The following USP14 variants were observed in gnomAD, a reference collection of about 807,000 sequenced individuals.
USP14 encodes the protein ubiquitin carboxyl-terminal hydrolase 14.
Under a neutral mutation model 76.5 loss-of-function variants are expected in USP14, and 38 were observed. That is an observed-to-expected ratio of 0.50 (90% CI 0.38 to 0.65). The LOEUF (loss-of-function observed/expected upper bound fraction) is 0.65. USP14 is among the 30% of genes least tolerant of loss of function. USP14 has a pLI of 0.00. For missense variants in USP14, 467 were observed against 586.5 expected, an observed-to-expected ratio of 0.80 and a Z score of 2.10; for synonymous variants, 192 against 191.7, an observed-to-expected ratio of 1.00 and a Z score of -0.01.
At chr18:189,947 T>C (rs1910041251) in intron 5 of USP14, among the ~76,000 whole-genome samples, 1 of 152,222 alleles carries the variant, frequency 6.6e-6, no homozygotes, top group Admixed American at 6.5e-5. Context: ...ACACCGTTTA[T>C]GTTTCCCAAA....
At chr18:170,762 A>G (rs535365487) in intron 3 of USP14, among the ~76,000 whole-genome samples, 3 of 152,158 alleles carry the variant, frequency 2.0e-5, no homozygotes, top group African/African-American at 7.2e-5. Context: ...CAGGAACAGA[A>G]AACCGAACAC....
intron 3 of USP14, among the ~76,000 whole-genome samples, chr18:169,318 A>C (rs953582017): frequency 6.9e-6 from 1 of 144,426 alleles, no homozygotes; most frequent in Non-Finnish European, 1.5e-5. Context: ...CTGAGATCAC[A>C]CCACTGCACT....
chr18:161,680 G>A (rs1909123285), intron 1 of USP14, among the ~76,000 whole-genome samples: 1 of 152,186 alleles, frequency 6.6e-6, no homozygotes, highest in Non-Finnish European at 1.5e-5. Flanking sequence ...ATAGAGTTGG[G>A]ATTTGGTGTC....
intron 5 of USP14, among the ~76,000 whole-genome samples, chr18:189,438 C>G (rs915338109): frequency 6.6e-6 from 1 of 151,952 alleles, no homozygotes; most frequent in Non-Finnish European, 1.5e-5. Flanking sequence ...ACAAAAGCCA[C>G]TAGAAAGTCT....
At chr18:160,915 C>A (rs1208838285) in intron 1 of USP14, among the ~76,000 whole-genome samples, 1 of 151,878 alleles carries the variant, frequency 6.6e-6, no homozygotes, top group African/African-American at 2.4e-5. Flanking sequence ...AAAGCCTTTA[C>A]GTATTTTATT....
rs571727968 is a variant in USP14 at position 204,659 on chromosome 18, A to G, written c.1131A>G (p.Leu377=). The G allele has an allele frequency of 1.5e-5, 25 of 1,613,430 alleles. 1 individual carries two copies. Among genetic ancestry groups the G allele is most frequent in the African/African-American group, 1.2e-4 (9 of 74,996 alleles). The change falls in exon 13 of 16, where the codon CTA becomes CTG. Residue 377 remains leucine, a synonymous_variant. Transcript: ENST00000261601. ...MVSFRSKFKD[L]EDKKVNQQPN... ...CTTTTCGATCCAAATTCAAGGATCT[A>G]GAAGATAAAAAAGTGAATCAGCAGC...
At chr18:171,410 A>G in intron 3 of USP14, among the ~76,000 whole-genome samples, 1 of 152,252 alleles carries the variant, frequency 6.6e-6, no homozygotes, top group East Asian at 1.9e-4. Flanking sequence ...ATCTCTTAAG[A>G]ATGATGCTAA....
intron 5 of USP14, among the ~76,000 whole-genome samples, chr18:187,403 C>T (rs543723360): frequency 5.9e-5 from 9 of 152,290 alleles, no homozygotes; most frequent in African/African-American, 1.9e-4. Context: ...CCATATTTTA[C>T]ATATCTTTGA....
intron 4 of USP14, among the ~76,000 whole-genome samples, chr18:179,521 AT>A (rs796745137): frequency 2.2e-4 from 32 of 145,052 alleles, no homozygotes; most frequent in African/African-American, 5.1e-4. Flanking sequence ...ACACGTGTCA[AT>A]TTTTTTTTTA....
At position 197,681 on chromosome 18, in the gene USP14, T is replaced by G. The variant is rs777479881; in HGVS notation, c.660T>G (p.Asp220Glu). The change falls in exon 8 of 16, where the codon GAT becomes GAG. Residue 220 changes from aspartate (D) to glutamate (E), a missense_variant. Transcript: ENST00000261601. ...VLQQKLEAIE[D>E]DSVKETDSSS... ...AACAGAAATTGGAAGCAATAGAGGA[T>G]GATTCTGTTAAAGAGGTAATTGAAA... The G allele has an allele frequency of 6.2e-7, 1 of 1,611,714 alleles. No homozygotes were observed. The highest frequency in any genetic ancestry group is 1.1e-5 in the South Asian group (1 of 90,904).
At chr18:183,424 C>T (rs1054980856) in intron 5 of USP14, among the ~76,000 whole-genome samples, 6 of 151,616 alleles carry the variant, frequency 4.0e-5, no homozygotes, top group Admixed American at 2.0e-4. Context: ...GGACTCTTGT[C>T]GCAAACTCTA....
intron 6 of USP14, among the ~76,000 whole-genome samples, chr18:194,525 T>C (rs541106305): frequency 2.6e-5 from 4 of 152,336 alleles, no homozygotes; most frequent in Admixed American, 6.5e-5. Context: ...TTTTCCGTTA[T>C]GCATGTAATT....
At chr18:202,659 A>T (rs1463912585) in intron 10 of USP14, among the ~76,000 whole-genome samples, 1 of 152,206 alleles carries the variant, frequency 6.6e-6, no homozygotes. Flanking sequence ...GGAGGAATCC[A>T]CAACAACGTA....
Position 169,360 on chromosome 18 carries a change from CAAAAAAAAAAAA to C in USP14, c.195+2552_195+2563del, listed in dbSNP as rs11336218. ...TGGGCAACAGAGCAAGACTCTACCT[CAAAAAAAAAAAA>C]AAAAAAAAAAGAGTGGACATCTTGT... On this transcript the variant is annotated intron_variant, in intron 3 of 15. Coordinates refer to ENST00000261601, the MANE Select transcript of USP14 (RefSeq NM_005151.4). Among the ~76,000 whole-genome samples, 291 of 79,356 alleles carry C rather than the reference CAAAAAAAAAAAA, an allele frequency of 3.7e-3. 6 individuals carry two copies. Among genetic ancestry groups the C allele is most frequent in the African/African-American group, 0.013 (273 of 20,730 alleles). The allele number at this position is 79,356 out of a possible 152,430, so 52.1% of individuals were successfully genotyped here.
intron 3 of USP14, among the ~76,000 whole-genome samples, chr18:169,178 G>A (rs1035320468): frequency 2.0e-5 from 3 of 151,262 alleles, no homozygotes; most frequent in African/African-American, 7.3e-5. Context: ...ATCACTTAAG[G>A]TCAGGAGTTC....
chr18:177,972 C>T (rs958340377), intron 3 of USP14, among the ~76,000 whole-genome samples: 7 of 152,070 alleles, frequency 4.6e-5, no homozygotes, highest in Admixed American at 1.3e-4. Flanking sequence ...ACTACAGTTA[C>T]ACAATAGACA....
chr18:196,907 G>T (rs745412753), intron 7 of USP14, 140 bp downstream of exon 7: 6 of 1,068,596 alleles, frequency 5.6e-6, no homozygotes, highest in African/African-American at 1.8e-5. Context: ...GCCTGGAGCC[G>T]CACAGTAGTC....
In USP14 at chr18:158,628, T is replaced by A; in HGVS notation, c.-71T>A. On this transcript the variant is annotated 5_prime_UTR_variant, in exon 1 of 16. Coordinates refer to ENST00000261601, the MANE Select transcript of USP14 (RefSeq NM_005151.4). ...CCTCGGCCGCCGCCGCAGCTGCTCCTGGTCCCCGTCCCTTTGCCGCCCTCG... is the reference window on the plus strand; with the variant it reads ...CCTCGGCCGCCGCCGCAGCTGCTCCAGGTCCCCGTCCCTTTGCCGCCCTCG... 6.7e-7 allele frequency: 1 copy of A among 1,487,238 alleles called. No individual in the cohort carries two copies. Among genetic ancestry groups the A allele is most frequent in the Non-Finnish European group, 9.0e-7 (1 of 1,116,106 alleles). 92.1% of individuals were successfully genotyped at this position (1,487,238 alleles called of 1,614,324 possible). A position where few individuals can be genotyped will look rare whatever the true frequency, so the allele number is the denominator to read the frequency against.
Position 197,636 on chromosome 18 carries a change from A to C in USP14, c.615A>C (p.Ile205=). The C allele has an allele frequency of 6.2e-7, 1 of 1,612,264 alleles. No individual in the cohort carries two copies. Among genetic ancestry groups the C allele is most frequent in the Non-Finnish European group, 8.5e-7 (1 of 1,178,920 alleles). ...YLQQDANECW[I]QMMRVLQQKL... ...TACAGGATGCTAATGAATGTTGGAT[A>C]CAAATGATGCGAGTATTGCAACAGA... Residue 205 remains isoleucine, a synonymous_variant, in exon 8 of 16, where the codon ATA becomes ATC. Transcript: ENST00000261601.
Sources: allele counts gnomAD v4.1 joint callset (sites outside exome capture counted in the v4.1 genomes callset), GRCh38; gene constraint gnomAD v4.1.1; transcripts MANE v1.5; gene names NCBI Gene and HGNC (gene_info 2026-07-23, HGNC 2026-07-21).